Variants in ROBO2 observed in about 807,000 individuals in gnomAD.
ROBO2 encodes the protein roundabout homolog 2.
Under a neutral mutation model 160.8 loss-of-function variants are expected in ROBO2, and 53 were observed. That is an observed-to-expected ratio of 0.33 (90% CI 0.26 to 0.41). The LOEUF is 0.41. Among genes scored for constraint, ROBO2 ranks in the 10% least tolerant of loss-of-function variants. The probability of loss-of-function intolerance (pLI) is 1.00; values close to 1 mark genes in which losing one functional copy is unlikely to be tolerated. For missense variants in ROBO2, 1,577 were observed against 1,722.4 expected (o/e 0.92, Z 1.49); for synonymous variants, 664 against 611.7 (o/e 1.09, Z -1.26).
chr3:77,451,716 CT>C (rs1261237669), intron 2 of ROBO2, among the ~76,000 whole-genome samples: 7 of 151,774 alleles, frequency 4.6e-5, no homozygotes. Context: ...TCTACTCTTT[CT>C]TTTTTTTGTG....
At chr3:76,307,358 T>A (rs1006326130) in intron 2 of ROBO2, among the ~76,000 whole-genome samples, 1 of 152,238 alleles carries the variant, frequency 6.6e-6, no homozygotes, top group Non-Finnish European at 1.5e-5. Context: ...TTTATAGTAC[T>A]CCTTCTCTGC....
At chr3:76,242,072 A>G (rs1705321025) in intron 2 of ROBO2, among the ~76,000 whole-genome samples, 2 of 152,316 alleles carry the variant, frequency 1.3e-5, no homozygotes, top group Middle Eastern at 3.4e-3. Context: ...TTTTTTCCCT[A>G]AATGACTGAA....
chr3:77,422,246 G>T (rs551991491), intron 2 of ROBO2, among the ~76,000 whole-genome samples: 2 of 152,074 alleles, frequency 1.3e-5, no homozygotes, highest in African/African-American at 4.8e-5. Flanking sequence ...GGGGATTAGC[G>T]GTTCCTTTTG....
chr3:76,156,777 G>A (rs1006583421), intron 2 of ROBO2, among the ~76,000 whole-genome samples: 15 of 152,144 alleles, frequency 9.9e-5, no homozygotes, highest in African/African-American at 3.6e-4. Flanking sequence ...AGACCAGCCT[G>A]CCAACATGGT....
intron 2 of ROBO2, among the ~76,000 whole-genome samples, chr3:75,939,685 T>G (rs1286637563): frequency 6.6e-6 from 1 of 152,190 alleles, no homozygotes; most frequent in Non-Finnish European, 1.5e-5. Flanking sequence ...AATGAGCAAA[T>G]CTTATAATTG....
chr3:76,589,009 G>T (rs2086239632), intron 2 of ROBO2, among the ~76,000 whole-genome samples: 1 of 152,116 alleles, frequency 6.6e-6, no homozygotes, highest in Non-Finnish European at 1.5e-5. Context: ...TTGTGAACAG[G>T]TAGTTCAAGA....
chr3:77,528,288 A>C (rs1245943327), intron 6 of ROBO2, among the ~76,000 whole-genome samples: 1 of 151,638 alleles, frequency 6.6e-6, no homozygotes, highest in East Asian at 1.9e-4. Context: ...CTTCTTTAAT[A>C]TAACAAAAAG....
chr3:76,253,252 A>C (rs1465093257), intron 2 of ROBO2, among the ~76,000 whole-genome samples: 1 of 151,956 alleles, frequency 6.6e-6, no homozygotes, highest in African/African-American at 2.4e-5. Context: ...GAATAGTATC[A>C]CTTTAAAAAG....
At chr3:77,210,022 CT>C (rs1220592329) in intron 2 of ROBO2, among the ~76,000 whole-genome samples, 1 of 152,104 alleles carries the variant, frequency 6.6e-6, no homozygotes, top group Non-Finnish European at 1.5e-5. Flanking sequence ...TTCCAAGAAT[CT>C]TTACATTATA....
At chr3:76,655,686 A>C (rs2091483962) in intron 2 of ROBO2, among the ~76,000 whole-genome samples, 1 of 142,340 alleles carries the variant, frequency 7.0e-6, no homozygotes, top group African/African-American at 2.5e-5. Context: ...AGAGAGGGGC[A>C]GGTAGGCAGG....
chr3:77,152,797 T>G (rs2077656061), intron 2 of ROBO2, among the ~76,000 whole-genome samples: 1 of 152,206 alleles, frequency 6.6e-6, no homozygotes, highest in Non-Finnish European at 1.5e-5. Context: ...TCCTTATAAC[T>G]CACCCTTTTA....
chr3:76,026,567 A>C, intron 2 of ROBO2, among the ~76,000 whole-genome samples: 1 of 151,976 alleles, frequency 6.6e-6, no homozygotes, highest in African/African-American at 2.4e-5. Context: ...ATTGTACAAA[A>C]AAATTATGAA....
At chr3:77,464,529 A>T (rs1174031734) in intron 2 of ROBO2, among the ~76,000 whole-genome samples, 1 of 152,188 alleles carries the variant, frequency 6.6e-6, no homozygotes, top group African/African-American at 2.4e-5. Flanking sequence ...TAGAGGCTAG[A>T]CTACTTAGAG....
intron 2 of ROBO2, among the ~76,000 whole-genome samples, chr3:76,840,889 C>T (rs1007040389): frequency 1.3e-5 from 2 of 151,800 alleles, no homozygotes; most frequent in Non-Finnish European, 2.9e-5. Context: ...AAACAACCTC[C>T]AACTATTTTC....
chr3:76,185,718 G>C (rs1264543826), intron 2 of ROBO2, among the ~76,000 whole-genome samples: 1 of 151,990 alleles, frequency 6.6e-6, no homozygotes. Flanking sequence ...GCCATAATTA[G>C]CATAATTGTG....
At chr3:77,182,743 A>G (rs1341639205) in intron 2 of ROBO2, among the ~76,000 whole-genome samples, 1 of 152,066 alleles carries the variant, frequency 6.6e-6, no homozygotes, top group Non-Finnish European at 1.5e-5. Flanking sequence ...ATCTCTCCAT[A>G]GAGACTCTGT....
intron 1 of ROBO2, among the ~76,000 whole-genome samples, chr3:75,919,396 C>T (rs373110789): frequency 3.4e-4 from 51 of 152,236 alleles, no homozygotes; most frequent in African/African-American, 1.1e-3. Flanking sequence ...CCAACTTGAT[C>T]GTGGTGGATA....
chr3:76,174,994 A>T (rs2107041499), intron 2 of ROBO2, among the ~76,000 whole-genome samples: 1 of 152,244 alleles, frequency 6.6e-6, no homozygotes, highest in Admixed American at 6.5e-5. Flanking sequence ...CCTATCCATG[A>T]GCATGGAATT....
At position 76,435,250 on chromosome 3, in the gene ROBO2, A is replaced by G. The variant is rs560134510; in HGVS notation, c.109+497648A>G. The G allele has an allele frequency of 1.3e-5, 19 of 1,515,028 alleles. No individual in the cohort carries two copies. In the East Asian group the frequency reaches 3.8e-4, roughly 31 times the overall value. 93.8% of individuals were successfully genotyped at this position (1,515,028 alleles called of 1,614,324 possible). A position where few individuals can be genotyped will look rare whatever the true frequency, so the allele number is the denominator to read the frequency against. ...TCCATCAACAAAACAGATGGCTGCC[A>G]TGCTTACCTGAGCAAGAATTCCCTG... On this transcript the variant is annotated intron_variant, in intron 2 of 26. Coordinates refer to the ROBO2 transcript ENST00000487694.
Sources: gnomAD v4.1 joint callset for allele counts (sites outside exome capture counted in the v4.1 genomes callset) on GRCh38, gnomAD v4.1.1 for gene constraint, MANE v1.5 for transcripts, NCBI Gene and HGNC (gene_info 2026-07-23, HGNC 2026-07-21) for gene names.